Variants in ASAP1 observed in about 807,000 individuals in gnomAD.
ASAP1 encodes the protein ArfGAP with SH3 domain, ankyrin repeat and PH domain 1, also known as arf-GAP with SH3 domain, ANK repeat and PH domain-containing protein 1.
Under a neutral mutation model 145.2 loss-of-function variants are expected in ASAP1, and 43 were observed. The observed-to-expected ratio is 0.30, with a 90% CI of 0.23 to 0.38. The LOEUF is 0.38. Among genes scored for constraint, ASAP1 ranks in the 10% least tolerant of loss-of-function variants. The pLI, the probability that ASAP1 is intolerant of heterozygous loss-of-function variation, is 1.00. For synonymous variants in ASAP1, 546 were observed against 515.5 expected, an observed-to-expected ratio of 1.06 and a Z score of -0.80; for missense variants, 1,018 against 1,355.3, an observed-to-expected ratio of 0.75 and a Z score of 3.91.
At chr8:130,344,539 T>C (rs1033643700) in intron 3 of ASAP1, among the ~76,000 whole-genome samples, 5 of 152,316 alleles carry the variant, frequency 3.3e-5, no homozygotes, top group South Asian at 2.1e-4. Flanking sequence ...GATAGTTACA[T>C]GTCGCTCTGC....
At chr8:130,259,900 A>G (rs533763743) in intron 3 of ASAP1, among the ~76,000 whole-genome samples, 3 of 152,330 alleles carry the variant, frequency 2.0e-5, no homozygotes, top group Admixed American at 1.3e-4. Context: ...CTTTCAAATT[A>G]AGTGCATTTA....
At chr8:130,405,552 T>A (rs1275357867) in intron 1 of ASAP1, among the ~76,000 whole-genome samples, 2 of 152,178 alleles carry the variant, frequency 1.3e-5, no homozygotes, top group Non-Finnish European at 2.9e-5. Flanking sequence ...ATTCCACCCC[T>A]ATGGAGAGCT....
intron 3 of ASAP1, among the ~76,000 whole-genome samples, chr8:130,310,159 G>C (rs1353060527): frequency 6.8e-6 from 1 of 146,850 alleles, no homozygotes; most frequent in Non-Finnish European, 1.5e-5. Flanking sequence ...GGGGGGTGAG[G>C]GGAGGGGAGG....
intron 24 of ASAP1, 23 bp from the exon 25 acceptor site, chr8:130,092,166 G>T: frequency 6.4e-7 from 1 of 1,558,554 alleles, no homozygotes; most frequent in Non-Finnish European, 8.6e-7. Flanking sequence ...TTGAATGGGG[G>T]CAGGAAGATT....
chr8:130,134,425 G>C, intron 14 of ASAP1, 81 bp from the exon 15 acceptor site: 1 of 832,906 alleles, frequency 1.2e-6, no homozygotes. Flanking sequence ...AAGTTCCTGG[G>C]AAGAAAACCA....
intron 3 of ASAP1, among the ~76,000 whole-genome samples, chr8:130,325,154 C>G (rs1333860829): frequency 6.6e-6 from 1 of 152,190 alleles, no homozygotes; most frequent in African/African-American, 2.4e-5. Context: ...GAGCTTTCAA[C>G]CTTTCCTTTT....
chr8:130,335,628 G>A (rs1011622396), intron 3 of ASAP1, among the ~76,000 whole-genome samples: 3 of 152,228 alleles, frequency 2.0e-5, no homozygotes, highest in African/African-American at 7.2e-5. Flanking sequence ...GAAAAAAAGA[G>A]TTGGGAGGCA....
intron 27 of ASAP1, 38 bp from the exon 28 acceptor site, chr8:130,061,107 G>A (rs779532329): frequency 4.0e-6 from 6 of 1,517,870 alleles, no homozygotes; most frequent in African/African-American, 1.4e-5. Flanking sequence ...TCATTGGTGG[G>A]AAGGGCTGCT....
intron 2 of ASAP1, among the ~76,000 whole-genome samples, chr8:130,368,463 C>G (rs144271212): frequency 7.8e-4 from 119 of 152,326 alleles, no homozygotes; most frequent in Middle Eastern, 3.4e-3. Context: ...GGAACTACTC[C>G]TCCCTGACTC....
intron 9 of ASAP1, among the ~76,000 whole-genome samples, chr8:130,176,336 C>T (rs887857540): frequency 6.6e-6 from 1 of 152,124 alleles, no homozygotes; most frequent in African/African-American, 2.4e-5. Context: ...TACAATATGC[C>T]TATTAAGAGT....
rs372633636 is a variant in ASAP1 at position 130,115,709 on chromosome 8, G to T, written c.2091C>A (p.Phe697Leu). 1.2e-6 allele frequency: 2 copies of T among 1,614,036 alleles called. No homozygotes were observed. The highest frequency in any genetic ancestry group is 1.7e-6 in the Non-Finnish European group (2 of 1,179,928). The change falls in exon 23 of 30, where the codon TTC becomes TTA. Residue 697 changes from phenylalanine to leucine, a missense_variant. Coordinates refer to ENST00000518721, the MANE Select transcript of ASAP1 (RefSeq NM_018482.4). The part of the protein sequence containing the change: ...DLLSQAKSGK[F>L]NPHVHVEYEW... ...CATATTCTACGTGGACGTGTGGATT[G>T]AACTTTCCAGATTTAGCCTGGGAAA...
At position 130,112,254 on chromosome 8, in the gene ASAP1, G is replaced by C; in HGVS notation, c.2241C>G (p.Pro747=). Residue 747 remains proline (P), a synonymous_variant, in exon 24 of 30, where the codon CCC becomes CCG. Transcript: ENST00000518721. The part of the protein sequence containing the change: ...QSFCHSSSIS[P]QDKLALPGFS... ...ATCCTGGCAGTGCCAGCTTGTCCTG[G>C]GGGGAGATGCTGGAGGAGTGGCAGA... is the stretch of plus-strand genomic sequence containing the variant. The C allele has an allele frequency of 6.2e-7, 1 of 1,614,230 alleles. No individual in the cohort carries two copies. The highest frequency in any genetic ancestry group is 1.1e-5 in the South Asian group (1 of 91,084).
At chr8:130,103,088 T>C (rs1443194639) in intron 24 of ASAP1, among the ~76,000 whole-genome samples, 1 of 152,236 alleles carries the variant, frequency 6.6e-6, no homozygotes, top group Non-Finnish European at 1.5e-5. Flanking sequence ...ACTGATTCAA[T>C]GTTGTTACTT....
In ASAP1 at chr8:130,125,966, G is replaced by C; in HGVS notation, c.1505C>G (p.Ser502Cys). The C allele has an allele frequency of 6.2e-7, 1 of 1,612,552 alleles. No homozygotes were observed. The highest frequency in any genetic ancestry group is 1.1e-5 in the South Asian group (1 of 90,594). Residue 502 changes from serine (S) to cysteine (C), a missense_variant, in exon 17 of 30, where the codon TCT becomes TGT. Around this residue, in one of 9 missense-constraint regions of ASAP1, gnomAD observed 153 missense variants for 221.6 expected, o/e 0.69. Transcript: ENST00000518721. ...QSLELDKLGTSELLLAKNVGN... is the reference protein window; with the variant it reads ...QSLELDKLGTCELLLAKNVGN... ...CAGGTCACTACTTACCAAGAGTTCAGAAGTTCCTAATTTGTCTAGTTCCAA... is the reference window on the plus strand; with the variant it reads ...CAGGTCACTACTTACCAAGAGTTCACAAGTTCCTAATTTGTCTAGTTCCAA...
chr8:130,320,723 T>TAA (rs539446297), intron 3 of ASAP1, among the ~76,000 whole-genome samples: 4,119 of 151,000 alleles, frequency 0.027, 82 homozygotes, highest in Middle Eastern at 0.072. Context: ...AGTATCACAT[T>TAA]AAAAAAAAAT....
Position 130,152,576 on chromosome 8 carries a change from A to G in ASAP1, c.1080+160T>C, listed in dbSNP as rs557512356. On this transcript the variant is annotated intron_variant, in intron 13 of 29. Transcript: ENST00000518721. ...GCCAAAGAATGGTGCAGACTACCAC[A>G]GGACAAGATAAAACTTTTTTTTTTT... The G allele has an allele frequency of 2.2e-5, 11 of 494,452 alleles. No individual in the cohort carries two copies. In the Admixed American group the frequency reaches 3.0e-4, roughly 14 times the overall value. 30.6% of individuals were successfully genotyped at this position (494,452 alleles called of 1,614,324 possible). A position where few individuals can be genotyped will look rare whatever the true frequency, so the allele number is the denominator to read the frequency against.
In ASAP1 at chr8:130,214,681, T is replaced by C; in HGVS notation, c.280A>G (p.Asn94Asp). The C allele has an allele frequency of 6.3e-7, 1 of 1,598,716 alleles. No individual in the cohort carries two copies. Among genetic ancestry groups the C allele is most frequent in the Non-Finnish European group, 8.5e-7 (1 of 1,174,428 alleles). The change falls in exon 5 of 30, where the codon AAC becomes GAC. Residue 94 changes from asparagine to aspartate, a missense_variant. Asn to Asp is a conservative substitution (Grantham distance 23). Transcript: ENST00000518721. The part of the protein sequence containing the change: ...SGQDHVQNEE[N>D]YAQVLDKFGS... The stretch of plus-strand genomic sequence containing the variant: ...AACTTATCAAGAACTTGTGCATAGT[T>C]TTCTTCATTTTGTACATGATCTAAA...
intron 2 of ASAP1, among the ~76,000 whole-genome samples, chr8:130,366,667 T>C (rs543107202): frequency 6.6e-6 from 1 of 152,290 alleles, no homozygotes; most frequent in South Asian, 2.1e-4. Context: ...AGTGCTGCCA[T>C]TTAACAGGAT....
chr8:130,248,510 G>A (rs1388820501), intron 3 of ASAP1, among the ~76,000 whole-genome samples: 1 of 152,150 alleles, frequency 6.6e-6, no homozygotes, highest in African/African-American at 2.4e-5. Context: ...AGGGAGGAAA[G>A]GGCCATGGTA....
Sources: allele counts gnomAD v4.1 joint callset (sites outside exome capture counted in the v4.1 genomes callset), GRCh38; gene constraint gnomAD v4.1.1; regional missense constraint gnomAD v4.1.1; transcripts MANE v1.5; gene names NCBI Gene and HGNC (gene_info 2026-07-23, HGNC 2026-07-21).